SMYD3: variants seen among roughly 807,000 people sequenced by gnomAD.
The protein encoded by SMYD3 is SET and MYND domain containing 3.
A neutral mutation model predicts 57.7 loss-of-function variants in SMYD3; 36 were observed. The observed-to-expected ratio is 0.62, with a 90% CI of 0.48 to 0.82. SMYD3 has a LOEUF of 0.82. Ranked by LOEUF, SMYD3 falls within the 40% of genes least tolerant of loss-of-function variation. The pLI is 0.00. For synonymous variants in SMYD3, 211 were observed against 195.0 expected, an observed-to-expected ratio of 1.08 and a Z score of -0.68; for missense variants, 515 against 538.8, an observed-to-expected ratio of 0.96 and a Z score of 0.44.
intron 5 of SMYD3, among the ~76,000 whole-genome samples, chr1:246,170,217 A>G (rs992691987): frequency 6.6e-6 from 1 of 152,090 alleles, no homozygotes; most frequent in Admixed American, 6.6e-5. Flanking sequence ...AATTTAACAC[A>G]ATGATTTTCT....
chr1:246,221,610 G>C lies in SMYD3; in HGVS notation c.531+105591C>G, dbSNP rs562321929. Among the ~76,000 whole-genome samples the C allele has an allele frequency of 4.6e-5, 7 of 152,276 alleles. No homozygotes were observed. In the South Asian group the frequency reaches 1.0e-3, roughly 23 times the overall value. On this transcript the variant is annotated intron_variant, in intron 5 of 11. Transcript: ENST00000490107. ...ACATTCCCCGGTGCCAGACGGGAAAGCCGCTTGCAGTGAACCCGGTCCAGC... is the reference window on the plus strand; with the variant it reads ...ACATTCCCCGGTGCCAGACGGGAAACCCGCTTGCAGTGAACCCGGTCCAGC...
intron 1 of SMYD3, among the ~76,000 whole-genome samples, chr1:246,405,234 G>A (rs562410107): frequency 1.3e-5 from 2 of 152,268 alleles, no homozygotes; most frequent in South Asian, 2.1e-4. Flanking sequence ...TTACAGGGAT[G>A]AGCCACCATG....
rs190213498 is a variant in SMYD3, at chr1:245,999,016, G to A, written c.532-69079C>T. 3.1e-3 allele frequency among the ~76,000 whole-genome samples: 468 copies of A among 152,190 alleles called. 2 individuals carry two copies. The highest frequency in any genetic ancestry group is 5.1e-3 in the Non-Finnish European group (349 of 68,016). On this transcript the variant is annotated intron_variant, in intron 5 of 11. Coordinates refer to ENST00000490107, the MANE Select transcript of SMYD3 (RefSeq NM_001167740.2). The stretch of plus-strand genomic sequence containing the variant: ...GGTGAAAGGGGAGTGGATGATTGTC[G>A]CTTCACGGGGTAGGAATTTCTCTGA...
rs145702082 is a variant in SMYD3, at chr1:246,204,131, A to C, written c.531+123070T>G. Reference sequence around the variant, plus strand: ...AAATATATTTATATGTAATTTCCCAAGTTTTATATGCTGATAATAAAAACA... The same window carrying C: ...AAATATATTTATATGTAATTTCCCACGTTTTATATGCTGATAATAAAAACA... On this transcript the variant is annotated intron_variant, in intron 5 of 11. Transcript: ENST00000490107. 1.7e-3 allele frequency among the ~76,000 whole-genome samples: 261 copies of C among 152,320 alleles called. 1 individual carries two copies. The highest frequency in any genetic ancestry group is 6.2e-3 in the African/African-American group (256 of 41,568).
chr1:246,419,452 T>C (rs1042598771), intron 1 of SMYD3, among the ~76,000 whole-genome samples: 2 of 152,154 alleles, frequency 1.3e-5, no homozygotes, highest in African/African-American at 4.8e-5. Context: ...CTTGCTAGGG[T>C]CTTGGGTTTT....
chr1:246,271,338 C>T (rs534755354), intron 5 of SMYD3, among the ~76,000 whole-genome samples: 15 of 152,116 alleles, frequency 9.9e-5, no homozygotes, highest in African/African-American at 3.6e-4. Flanking sequence ...TCTTTAGCTG[C>T]CTGTTCCTTT....
chr1:246,399,533 T>C (rs1234064722), intron 1 of SMYD3, among the ~76,000 whole-genome samples: 1 of 152,040 alleles, frequency 6.6e-6, no homozygotes, highest in African/African-American at 2.4e-5. Context: ...TTTGTACTTT[T>C]GGGTTTTTCC....
intron 5 of SMYD3, among the ~76,000 whole-genome samples, chr1:245,949,249 A>C (rs2147933556): frequency 6.6e-6 from 1 of 152,262 alleles, no homozygotes; most frequent in African/African-American, 2.4e-5. Context: ...ACATGCCTAG[A>C]CTTGCTAACG....
chr1:246,363,087 G>T (rs1302558697), intron 1 of SMYD3, among the ~76,000 whole-genome samples: 1 of 147,720 alleles, frequency 6.8e-6, no homozygotes, highest in African/African-American at 2.5e-5. Flanking sequence ...CCTTCTGGGA[G>T]GTGAGGAGCG....
At chr1:245,870,076 A>G (rs892276344) in intron 8 of SMYD3, among the ~76,000 whole-genome samples, 4 of 152,180 alleles carry the variant, frequency 2.6e-5, no homozygotes, top group Admixed American at 1.3e-4. Context: ...CTGCAAGGTA[A>G]ATCACTCGGT....
chr1:246,361,018 C>A (rs896111289), intron 1 of SMYD3, among the ~76,000 whole-genome samples: 1 of 152,176 alleles, frequency 6.6e-6, no homozygotes, highest in Admixed American at 6.5e-5. Flanking sequence ...AGACAAACCA[C>A]AGAGTGGGAG....
At chr1:246,185,801 T>C (rs1437816056) in intron 5 of SMYD3, among the ~76,000 whole-genome samples, 5 of 152,198 alleles carry the variant, frequency 3.3e-5, no homozygotes, top group Non-Finnish European at 1.5e-5. Context: ...AAGTATCTTG[T>C]ACAATGGTAA....
At chr1:246,276,662 A>C (rs1292950815) in intron 5 of SMYD3, among the ~76,000 whole-genome samples, 1 of 148,368 alleles carries the variant, frequency 6.7e-6, no homozygotes, top group Non-Finnish European at 1.5e-5. Flanking sequence ...TCTGATGCCC[A>C]CGTTTGAATA....
chr1:245,823,299 GCTCT>G (rs759067225), intron 10 of SMYD3, among the ~76,000 whole-genome samples: 1 of 151,088 alleles, frequency 6.6e-6, no homozygotes, highest in Non-Finnish European at 1.5e-5. Flanking sequence ...AAGCTTTCTT[GCTCT>G]CTGCCACACG....
chr1:246,394,992 G>C (rs2066635978), intron 1 of SMYD3, among the ~76,000 whole-genome samples: 1 of 151,496 alleles, frequency 6.6e-6, no homozygotes, highest in African/African-American at 2.4e-5. Flanking sequence ...ATGATATGAG[G>C]CTCCCAAACT....
chr1:245,883,808 C>T (rs561665514), intron 8 of SMYD3, among the ~76,000 whole-genome samples: 5 of 152,240 alleles, frequency 3.3e-5, no homozygotes, highest in Admixed American at 2.6e-4. Flanking sequence ...CTAGGAACTT[C>T]TTCTAGGCTA....
chr1:246,009,406 T>A (rs894312751), intron 5 of SMYD3, among the ~76,000 whole-genome samples: 8 of 152,232 alleles, frequency 5.3e-5, no homozygotes, highest in Non-Finnish European at 1.2e-4. Flanking sequence ...CTAACTTTAA[T>A]GCATTTTTGT....
intron 10 of SMYD3, among the ~76,000 whole-genome samples, chr1:245,786,437 C>T (rs559417851): frequency 1.4e-4 from 21 of 152,130 alleles, no homozygotes; most frequent in African/African-American, 3.4e-4. Context: ...TTCCAAGAGG[C>T]GAGGTGATTT....
intron 5 of SMYD3, among the ~76,000 whole-genome samples, chr1:246,055,649 A>C (rs1245547895): frequency 6.6e-6 from 1 of 152,230 alleles, no homozygotes; most frequent in East Asian, 1.9e-4. Context: ...TGGTATATAC[A>C]TACAATGCAA....
Sources: gnomAD v4.1 joint callset for allele counts (sites outside exome capture counted in the v4.1 genomes callset) on GRCh38, gnomAD v4.1.1 for gene constraint, MANE v1.5 for transcripts, NCBI Gene and HGNC (gene_info 2026-07-23, HGNC 2026-07-21) for gene names.